NUP214: variants seen among roughly 807,000 people sequenced by gnomAD.
The protein encoded by NUP214 is nucleoporin 214.
NUP214 carries 79 observed loss-of-function variants against 196.2 expected under a neutral mutation model. The observed-to-expected ratio is 0.40, with a 90% CI of 0.34 to 0.49. The LOEUF (loss-of-function observed/expected upper bound fraction) is 0.49. Among genes scored for constraint, NUP214 ranks in the 20% least tolerant of loss-of-function variants. NUP214 has a pLI of 0.58. For missense variants in NUP214, 2,468 were observed against 2,539.0 expected, an observed-to-expected ratio of 0.97 and a Z score of 0.60; for synonymous variants, 1,020 against 990.5, an observed-to-expected ratio of 1.03 and a Z score of -0.56.
chr9:131,179,956 G>A (rs1203185644), intron 24 of NUP214, among the ~76,000 whole-genome samples: 1 of 152,198 alleles, frequency 6.6e-6, no homozygotes, highest in Non-Finnish European at 1.5e-5. Context: ...CATAAGATGG[G>A]AAAACTCAGC....
intron 5 of NUP214, among the ~76,000 whole-genome samples, chr9:131,131,692 A>AT (rs1289872801): frequency 6.0e-5 from 9 of 151,048 alleles, no homozygotes; most frequent in Admixed American, 2.0e-4. Flanking sequence ...ATTTATTATT[A>AT]TTTTTTTTTG....
intron 26 of NUP214, chr9:131,191,052 A>G (rs1311727935): frequency 6.6e-6 from 1 of 151,556 alleles, no homozygotes; most frequent in East Asian, 1.9e-4. Flanking sequence ...TTGTACTGCC[A>G]TCTACCCTGT....
intron 32 of NUP214, among the ~76,000 whole-genome samples, chr9:131,224,187 T>C (rs1834662223): frequency 6.6e-6 from 1 of 152,236 alleles, no homozygotes; most frequent in African/African-American, 2.4e-5. Context: ...ACTATTAAAG[T>C]ATATATTTAT....
chr9:131,231,414 A>G (rs1333281874), intron 34 of NUP214, among the ~76,000 whole-genome samples: 4 of 152,038 alleles, frequency 2.6e-5, no homozygotes, highest in African/African-American at 9.7e-5. Flanking sequence ...GATGGTCTCC[A>G]TCTCCTGACC....
At chr9:131,185,888 TATTC>T (rs1027907675) in intron 24 of NUP214, among the ~76,000 whole-genome samples, 20 of 152,350 alleles carry the variant, frequency 1.3e-4, no homozygotes, top group Admixed American at 2.6e-4. Context: ...CACTCAGTCT[TATTC>T]ATGCATAATT....
At chr9:131,214,277 C>A (rs1232496463) in intron 30 of NUP214, among the ~76,000 whole-genome samples, 1 of 152,220 alleles carries the variant, frequency 6.6e-6, no homozygotes, top group Non-Finnish European at 1.5e-5. Context: ...GGTTAAAACA[C>A]TGAACAGCAA....
chr9:131,228,827 T>C (rs950303644), intron 33 of NUP214: 2 of 152,488 alleles, frequency 1.3e-5, no homozygotes, highest in Non-Finnish European at 2.9e-5. Context: ...GGTCCTCCCG[T>C]GGGAAGATCC....
intron 21 of NUP214, 119 bp downstream of exon 21, chr9:131,164,263 A>AGT (rs1349795247): frequency 6.2e-6 from 5 of 812,488 alleles, no homozygotes; most frequent in Admixed American, 2.4e-5. Flanking sequence ...TGTGTGTGTA[A>AGT]GTGTGTGTGT....
At chr9:131,193,624 CTTTTCTTTTTTTTT>C (rs1833676990) in intron 27 of NUP214, among the ~76,000 whole-genome samples, 1 of 17,658 alleles carries the variant, frequency 5.7e-5, no homozygotes, top group Non-Finnish European at 1.5e-4. Context: ...ATTCTTCTTC[CTTTTCTTTTTTTTT>C]TTTTTTTTTT....
intron 18 of NUP214, among the ~76,000 whole-genome samples, chr9:131,162,176 A>C (rs570309623): frequency 1.3e-5 from 2 of 152,218 alleles, no homozygotes; most frequent in African/African-American, 2.4e-5. Context: ...ATCACTAGGC[A>C]ATAGGAATTC....
At chr9:131,223,172 CT>C (rs920062876) in intron 32 of NUP214, among the ~76,000 whole-genome samples, 101 of 143,048 alleles carry the variant, frequency 7.1e-4, no homozygotes, top group Non-Finnish European at 6.8e-4. Flanking sequence ...ATTTTTTTTT[CT>C]TTTTTTTTTT....
chr9:131,228,010 TTACTC>T (rs1346834313), intron 32 of NUP214, 145 bp from the exon 33 acceptor site: 3 of 685,682 alleles, frequency 4.4e-6, no homozygotes, highest in Middle Eastern at 4.0e-4. Flanking sequence ...GTGTTGCCCT[TTACTC>T]TAGTTCTTGC....
At chr9:131,155,124 TC>T (rs771410061) in intron 17 of NUP214, among the ~76,000 whole-genome samples, 7 of 152,232 alleles carry the variant, frequency 4.6e-5, no homozygotes, top group Non-Finnish European at 1.0e-4. Flanking sequence ...GTAAAAGTGT[TC>T]CCTTTTCACC....
chr9:131,169,658 T>C (rs1326622580), intron 21 of NUP214, among the ~76,000 whole-genome samples: 4 of 151,960 alleles, frequency 2.6e-5, no homozygotes, highest in African/African-American at 7.3e-5. Context: ...AGAGTAGGGG[T>C]TGGCAGATTT....
chr9:131,227,402 GCA>G (rs1289588859), intron 32 of NUP214, among the ~76,000 whole-genome samples: 1 of 152,118 alleles, frequency 6.6e-6, no homozygotes, highest in East Asian at 1.9e-4. Flanking sequence ...TTAGATTTAT[GCA>G]GCAGCCTGCC....
intron 17 of NUP214, among the ~76,000 whole-genome samples, chr9:131,156,225 CG>C (rs1832436491): frequency 6.7e-6 from 1 of 150,328 alleles, no homozygotes; most frequent in Non-Finnish European, 1.5e-5. Context: ...CTCCACCTCC[CG>C]GGTTCACGCC....
intron 32 of NUP214, among the ~76,000 whole-genome samples, chr9:131,223,727 A>ATTTATTTTTT: frequency 6.4e-4 from 10 of 15,660 alleles, no homozygotes; most frequent in Non-Finnish European, 8.6e-4. Context: ...TTATTTATTT[A>ATTTATTTTTT]TTTTTTTTTT....
intron 18 of NUP214, among the ~76,000 whole-genome samples, chr9:131,159,811 C>T (rs919600634): frequency 4.3e-4 from 65 of 151,548 alleles, no homozygotes; most frequent in African/African-American, 1.5e-3. Flanking sequence ...GAGCTGAGAT[C>T]GTGCCACTGC....
chr9:131,193,629 C>CTTTTTTTTTTTTTTTTTTTGTTT (rs1833679850), intron 27 of NUP214, among the ~76,000 whole-genome samples: 1 of 28,218 alleles, frequency 3.5e-5, no homozygotes, highest in Non-Finnish European at 6.5e-5. Context: ...TCTTCCTTTT[C>CTTTTTTTTTTTTTTTTTTTGTTT]TTTTTTTTTT....
Sources: gnomAD v4.1 joint callset for allele counts (sites outside exome capture counted in the v4.1 genomes callset) on GRCh38, gnomAD v4.1.1 for gene constraint, MANE v1.5 for transcripts, NCBI Gene and HGNC (gene_info 2026-07-23, HGNC 2026-07-21) for gene names.